The following CYB5R4 variants were observed in gnomAD, a reference collection of about 807,000 sequenced individuals.
CYB5R4 encodes N-terminal cytochrome b5 and cytochrome b5 oxidoreductase domain-containing protein.
A neutral mutation model predicts 70.2 loss-of-function variants in CYB5R4; 55 were observed. That is an observed-to-expected ratio of 0.78 (90% CI 0.63 to 0.98). The LOEUF is 0.98. Among genes scored for constraint, CYB5R4 ranks in the 50% least tolerant of loss-of-function variants. CYB5R4 has a pLI of 0.00. For synonymous variants in CYB5R4, 197 were observed against 199.5 expected, an observed-to-expected ratio of 0.99 and a Z score of 0.11; for missense variants, 562 against 612.6, an observed-to-expected ratio of 0.92 and a Z score of 0.87.
At chr6:83,922,840 C>T (rs1326203916) in intron 9 of CYB5R4, among the ~76,000 whole-genome samples, 2 of 151,876 alleles carry the variant, frequency 1.3e-5, no homozygotes, top group Non-Finnish European at 2.9e-5. Flanking sequence ...CCAGGTTGGA[C>T]TGCAGCAGTG....
intron 2 of CYB5R4, among the ~76,000 whole-genome samples, chr6:83,881,152 A>C (rs920293134): frequency 6.6e-6 from 1 of 151,650 alleles, no homozygotes; most frequent in Non-Finnish European, 1.5e-5. Context: ...TTTGGGGATT[A>C]TACTGCCTTT....
At position 83,964,416 on chromosome 6, in the gene CYB5R4, T is replaced by G. The variant is rs1423232341; in HGVS notation, c.*4538T>G. 6.6e-6 allele frequency: 1 copy of G among 152,552 alleles called. No homozygotes were observed. The highest frequency in any genetic ancestry group is 1.9e-4 in the East Asian group (1 of 5,216). The allele number at this position is 152,552 out of a possible 1,614,324, so 9.4% of individuals were successfully genotyped here. A position where few individuals can be genotyped will look rare whatever the true frequency, so the allele number is the denominator to read the frequency against. On this transcript the variant is annotated 3_prime_UTR_variant, in exon 16 of 16. Coordinates refer to ENST00000369681, the MANE Select transcript of CYB5R4 (RefSeq NM_016230.4). ...TGATTTAGCAAAGAGACTGGCGGCA[T>G]TTTGCCCCTGCCCTGGAGATTTGTG...
chr6:83,959,701 A>G, intron 15 of CYB5R4, 123 bp from the exon 16 acceptor site: 1 of 828,812 alleles, frequency 1.2e-6, no homozygotes. Context: ...TTTTTATTTA[A>G]AAAAAACTAC....
In CYB5R4 at chr6:83,965,204, G is replaced by A. The variant is rs1408805337; in HGVS notation, c.*5326G>A. ...CCTCCAGACCCCAGAATGGTAGATC[G>A]ACTTACAGCTTGTACCAGGTGCCTG... On this transcript the variant is annotated 3_prime_UTR_variant, in exon 16 of 16. Transcript: ENST00000369681. The A allele has an allele frequency of 1.3e-5, 2 of 152,204 alleles. No homozygotes were observed. The highest frequency in any genetic ancestry group is 2.9e-5 in the Non-Finnish European group (2 of 68,106). 9.4% of individuals were successfully genotyped at this position (152,204 alleles called of 1,614,324 possible). A position where few individuals can be genotyped will look rare whatever the true frequency, so the allele number is the denominator to read the frequency against.
At chr6:83,914,324 G>A in intron 4 of CYB5R4, 92 bp from the exon 5 acceptor site, 1 of 1,338,390 alleles carries the variant, frequency 7.5e-7, no homozygotes. Flanking sequence ...CAAAAAAGAA[G>A]GGATGTTATC....
At chr6:83,927,118 A>C (rs1361521197) in intron 10 of CYB5R4, among the ~76,000 whole-genome samples, 1 of 152,192 alleles carries the variant, frequency 6.6e-6, no homozygotes, top group Non-Finnish European at 1.5e-5. Context: ...ACACACATAC[A>C]AAAACCCTCT....
chr6:83,898,205 A>G (rs1168736398), intron 3 of CYB5R4, among the ~76,000 whole-genome samples: 1 of 152,278 alleles, frequency 6.6e-6, no homozygotes, highest in South Asian at 2.1e-4. Flanking sequence ...TCCCAGCACC[A>G]TTTATTAAAT....
chr6:83,868,653 G>GTAAAA (rs1309027945), intron 2 of CYB5R4, among the ~76,000 whole-genome samples: 1 of 152,132 alleles, frequency 6.6e-6, no homozygotes, highest in Non-Finnish European at 1.5e-5. Flanking sequence ...ATTAATTCAT[G>GTAAAA]CTTTTATATT....
intron 14 of CYB5R4, among the ~76,000 whole-genome samples, chr6:83,948,534 A>T (rs2129144615): frequency 6.6e-6 from 1 of 152,182 alleles, no homozygotes; most frequent in Non-Finnish European, 1.5e-5. Context: ...AAGTAAACAG[A>T]CATAGGTAGG....
intron 3 of CYB5R4, among the ~76,000 whole-genome samples, chr6:83,899,293 C>G (rs2129135446): frequency 6.6e-6 from 1 of 152,088 alleles, no homozygotes; most frequent in South Asian, 2.1e-4. Context: ...GTTGAACCAG[C>G]CTTCCATCCC....
intron 14 of CYB5R4, among the ~76,000 whole-genome samples, chr6:83,945,952 G>A (rs1241024916): frequency 2.0e-5 from 3 of 152,106 alleles, no homozygotes; most frequent in Non-Finnish European, 2.9e-5. Context: ...AACAAAAAAA[G>A]CTCAGGACCA....
At chr6:83,899,902 T>C (rs1403149079) in intron 3 of CYB5R4, among the ~76,000 whole-genome samples, 12 of 152,140 alleles carry the variant, frequency 7.9e-5, no homozygotes, top group Non-Finnish European at 1.8e-4. Flanking sequence ...TTTGTTGATC[T>C]TTTCAAAAAA....
intron 14 of CYB5R4, among the ~76,000 whole-genome samples, chr6:83,952,850 A>G (rs1324282481): frequency 6.6e-6 from 1 of 152,072 alleles, no homozygotes; most frequent in Non-Finnish European, 1.5e-5. Flanking sequence ...GGCTCTGTGG[A>G]CTATATGTTT....
chr6:83,942,811 G>A (rs1161548004), intron 14 of CYB5R4, among the ~76,000 whole-genome samples: 1 of 152,080 alleles, frequency 6.6e-6, no homozygotes, highest in East Asian at 1.9e-4. Context: ...GGCTTGAGTA[G>A]GTGGTTTTCC....
rs554919853 is a variant in CYB5R4, at chr6:83,914,292, C to T, written c.413-124C>T. The T allele has an allele frequency of 3.0e-3, 3,216 of 1,061,658 alleles. 8 individuals carry two copies. Among genetic ancestry groups the T allele is most frequent in the Non-Finnish European group, 3.8e-3 (2,873 of 765,866 alleles). The allele number at this position is 1,061,658 out of a possible 1,614,324, so 65.8% of individuals were successfully genotyped here. ...TTCTATATTGGCCTGTTTCTCTCCT[C>T]AGGCCTTAGAAGAAAGCCCTTCAAA... On this transcript the variant is annotated intron_variant, in intron 4 of 15. Transcript: ENST00000369681.
chr6:83,899,594 C>T (rs944956087), intron 3 of CYB5R4, among the ~76,000 whole-genome samples: 1 of 152,144 alleles, frequency 6.6e-6, no homozygotes, highest in African/African-American at 2.4e-5. Context: ...CCATCTGGTC[C>T]TGGACTTTTT....
intron 10 of CYB5R4, among the ~76,000 whole-genome samples, chr6:83,934,003 C>T (rs1052474210): frequency 1.4e-4 from 22 of 152,130 alleles, no homozygotes; most frequent in Admixed American, 2.0e-4. Context: ...GAATGTCTAT[C>T]TTTCTTGCCT....
intron 10 of CYB5R4, among the ~76,000 whole-genome samples, chr6:83,931,371 G>A (rs2099468110): frequency 6.6e-6 from 1 of 152,220 alleles, no homozygotes; most frequent in African/African-American, 2.4e-5. Context: ...GCAAGAAGGA[G>A]AAGCCAGTTG....
chr6:83,886,585 A>G (rs1209383218), intron 2 of CYB5R4, among the ~76,000 whole-genome samples: 1 of 152,226 alleles, frequency 6.6e-6, no homozygotes, highest in Non-Finnish European at 1.5e-5. Context: ...ATGCAAATCT[A>G]TAGAGACAGA....
Sources: gnomAD v4.1 joint callset for allele counts (sites outside exome capture counted in the v4.1 genomes callset) on GRCh38, gnomAD v4.1.1 for gene constraint, MANE v1.5 for transcripts, NCBI Gene and HGNC (gene_info 2026-07-23, HGNC 2026-07-21) for gene names.